The following PLD1 variants were observed in gnomAD, a reference collection of about 807,000 sequenced individuals.
PLD1 encodes the protein phospholipase D1.
Under a neutral mutation model 137.1 loss-of-function variants are expected in PLD1, and 112 were observed. That is an observed-to-expected ratio of 0.82 (90% CI 0.70 to 0.96). The LOEUF (loss-of-function observed/expected upper bound fraction) is 0.96. PLD1 is among the 40% of genes least tolerant of loss of function. PLD1 has a pLI of 0.00. For missense variants in PLD1, 1,321 were observed against 1,342.0 expected (o/e 0.98, Z 0.24); for synonymous variants, 431 against 454.7 (o/e 0.95, Z 0.66).
At chr3:171,678,677 CTT>C (rs1454593193) in intron 16 of PLD1, among the ~76,000 whole-genome samples, 1 of 152,188 alleles carries the variant, frequency 6.6e-6, no homozygotes, top group Non-Finnish European at 1.5e-5. Context: ...CCAGAACTGT[CTT>C]TGTAAAATGC....
intron 1 of PLD1, among the ~76,000 whole-genome samples, chr3:171,803,378 G>A (rs373211819): frequency 1.1e-4 from 17 of 152,186 alleles, no homozygotes; most frequent in East Asian, 1.9e-4. Flanking sequence ...GGAGAAGCTC[G>A]GATATACCCC....
At chr3:171,777,600 ACTTT>A (rs1348054962) in intron 1 of PLD1, among the ~76,000 whole-genome samples, 7 of 152,008 alleles carry the variant, frequency 4.6e-5, no homozygotes, top group Admixed American at 3.9e-4. Context: ...ACAAGACCTC[ACTTT>A]CCAGCCAAAT....
At chr3:171,706,789 T>C (rs764687778) in intron 11 of PLD1, among the ~76,000 whole-genome samples, 2 of 152,260 alleles carry the variant, frequency 1.3e-5, no homozygotes, top group Admixed American at 6.5e-5. Context: ...TTTCTAATGA[T>C]GTGTTGTAAT....
intron 23 of PLD1, among the ~76,000 whole-genome samples, chr3:171,640,382 A>G (rs1735634945): frequency 6.6e-6 from 1 of 152,056 alleles, no homozygotes; most frequent in Non-Finnish European, 1.5e-5. Context: ...CATTCATCTC[A>G]AAATATTTTC....
intron 1 of PLD1, among the ~76,000 whole-genome samples, chr3:171,807,270 G>A (rs2108363070): frequency 2.0e-5 from 3 of 151,750 alleles, no homozygotes; most frequent in Middle Eastern, 6.8e-3. Context: ...ACTCCAACCT[G>A]GGCAACAGAG....
In PLD1 at chr3:171,600,693, G is replaced by A. The variant is rs1447074732; in HGVS notation, c.*2385C>T. On this transcript the variant is annotated 3_prime_UTR_variant, in exon 27 of 27. Transcript: ENST00000351298. ...AAAAAAAAAAAGCAATTATTGCACT[G>A]AATTTTCCATAAAATCCCTCCAAGT... is the stretch of plus-strand genomic sequence containing the variant. 1 of 148,524 alleles carries A rather than the reference G, an allele frequency of 6.7e-6. No individual in the cohort carries two copies. Among genetic ancestry groups the A allele is most frequent in the Non-Finnish European group, 1.5e-5 (1 of 67,432 alleles). The allele number at this position is 148,524 out of a possible 1,614,324, so 9.2% of individuals were successfully genotyped here.
chr3:171,689,851 A>G (rs1164975747), intron 13 of PLD1, among the ~76,000 whole-genome samples: 1 of 152,248 alleles, frequency 6.6e-6, no homozygotes, highest in East Asian at 1.9e-4. Context: ...TAAAGTAAGC[A>G]TAACATAAAA....
At chr3:171,786,115 C>G (rs1477944236) in intron 1 of PLD1, among the ~76,000 whole-genome samples, 1 of 152,178 alleles carries the variant, frequency 6.6e-6, no homozygotes, top group Non-Finnish European at 1.5e-5. Flanking sequence ...TTCTGCTCAG[C>G]AGAATAAAGC....
At chr3:171,750,047 A>T (rs1204813280) in intron 1 of PLD1, among the ~76,000 whole-genome samples, 4 of 152,240 alleles carry the variant, frequency 2.6e-5, no homozygotes, top group African/African-American at 9.6e-5. Flanking sequence ...TGTCAGTCAC[A>T]ATGTCACCTA....
chr3:171,688,745 A>G lies in PLD1; in HGVS notation c.1470T>C (p.Asn490=). Reference sequence around the variant, plus strand: ...TGCCCACGTCTGTGAGTCTGTGCTCATTGTCGTCCCACCTTCCATAGGCCA... The same window carrying G: ...TGCCCACGTCTGTGAGTCTGTGCTCGTTGTCGTCCCACCTTCCATAGGCCA... ...IDLAYGRWDD[N]EHRLTDVGSV... is the part of the protein sequence containing the mutation. Residue 490 remains asparagine (N), a synonymous_variant, in exon 14 of 27, where the codon AAT becomes AAC. Coordinates refer to ENST00000351298, the MANE Select transcript of PLD1 (RefSeq NM_002662.5). The G allele has an allele frequency of 6.2e-7, 1 of 1,614,160 alleles. No individual in the cohort carries two copies. The highest frequency in any genetic ancestry group is 8.5e-7 in the Non-Finnish European group (1 of 1,180,022).
Position 171,687,417 on chromosome 3 carries a change from G to C in PLD1, c.1707C>G (p.His569Gln), listed in dbSNP as rs1312726208. The C allele has an allele frequency of 2.5e-6, 4 of 1,614,102 alleles. No homozygotes were observed. In the Admixed American group the frequency reaches 5.0e-5, roughly 20 times the overall value. ...TGATGCTATCTGCGTCGTGCAGGTG[G>C]TGCCTGTGGAGCTGCTTGTAGAGAC... is the stretch of plus-strand genomic sequence containing the variant. ...KFSLYKQLHR[H>Q]HLHDADSISS... is the part of the protein sequence containing the mutation. Residue 569 changes from histidine (H) to glutamine (Q), a missense_variant, in exon 15 of 27, where the codon CAC becomes CAG. Physicochemically the swap from His to Gln is conservative, Grantham distance 24. Transcript: ENST00000351298.
chr3:171,677,736 T>A (rs747297268), intron 16 of PLD1, 42 bp from the exon 17 acceptor site: 111 of 1,594,488 alleles, frequency 7.0e-5, no homozygotes, highest in Non-Finnish European at 7.8e-5. Context: ...GTGGTTCAGG[T>A]GAGTCCCAGA....
At chr3:171,708,015 A>G (rs1485573728) in intron 11 of PLD1, among the ~76,000 whole-genome samples, 3 of 152,246 alleles carry the variant, frequency 2.0e-5, no homozygotes, top group Admixed American at 2.0e-4. Flanking sequence ...AATAAGGGGT[A>G]ATTCAGGCAA....
intron 1 of PLD1, among the ~76,000 whole-genome samples, chr3:171,784,078 A>G (rs1722898266): frequency 6.6e-6 from 1 of 152,252 alleles, no homozygotes; most frequent in Non-Finnish European, 1.5e-5. Flanking sequence ...ATTCTTAAAA[A>G]TAACTTCTAC....
intron 13 of PLD1, among the ~76,000 whole-genome samples, chr3:171,691,637 G>A (rs556086506): frequency 1.4e-3 from 220 of 152,192 alleles, no homozygotes; most frequent in African/African-American, 4.9e-3. Context: ...CATCTTTAGT[G>A]GGTACTTGAT....
intron 16 of PLD1, among the ~76,000 whole-genome samples, chr3:171,681,055 C>T (rs1713920312): frequency 6.6e-6 from 1 of 152,192 alleles, no homozygotes; most frequent in Non-Finnish European, 1.5e-5. Flanking sequence ...CAGATATATC[C>T]CACCAGCTCA....
intron 1 of PLD1, among the ~76,000 whole-genome samples, chr3:171,791,493 C>T (rs764154633): frequency 4.6e-5 from 7 of 152,080 alleles, no homozygotes; most frequent in East Asian, 1.9e-4. Context: ...CTCTATATCA[C>T]GGTGAAAAAC....
At chr3:171,620,630 GTATAT>G (rs1453025801) in intron 23 of PLD1, 110 bp from the exon 24 acceptor site, 6 of 489,502 alleles carry the variant, frequency 1.2e-5, no homozygotes, top group East Asian at 9.6e-5. Flanking sequence ...AGAATAGATT[GTATAT>G]TATATGTATA....
At chr3:171,658,766 A>G (rs565367688) in intron 21 of PLD1, among the ~76,000 whole-genome samples, 1 of 152,330 alleles carries the variant, frequency 6.6e-6, no homozygotes, top group African/African-American at 2.4e-5. Context: ...TGAATTGTAT[A>G]GTTTAAGTGG....
Sources: allele counts gnomAD v4.1 joint callset (sites outside exome capture counted in the v4.1 genomes callset), GRCh38; gene constraint gnomAD v4.1.1; transcripts MANE v1.5; gene names NCBI Gene and HGNC (gene_info 2026-07-23, HGNC 2026-07-21).